Variants in CCDC85A observed in about 807,000 individuals in gnomAD.
CCDC85A encodes coiled-coil domain-containing protein 85A.
In CCDC85A, 38 loss-of-function variants were observed where a neutral mutation model predicts 50.2. That is an observed-to-expected ratio of 0.76 (90% CI 0.58 to 0.99). The LOEUF (loss-of-function observed/expected upper bound fraction) is 0.99, where lower values mean the gene tolerates loss of function less well. CCDC85A is among the 50% of genes least tolerant of loss of function. CCDC85A has a pLI of 0.00. For synonymous variants in CCDC85A, 366 were observed against 301.4 expected (o/e 1.21, Z -2.22); for missense variants, 820 against 742.0 (o/e 1.11, Z -1.22).
At chr2:56,328,338 C>T (rs1673580243) in intron 2 of CCDC85A, among the ~76,000 whole-genome samples, 1 of 152,070 alleles carries the variant, frequency 6.6e-6, no homozygotes, top group African/African-American at 2.4e-5. Flanking sequence ...TTGAGGGAGG[C>T]TGGATACTTG....
At chr2:56,235,023 G>A (rs1402012533) in intron 2 of CCDC85A, among the ~76,000 whole-genome samples, 3 of 152,142 alleles carry the variant, frequency 2.0e-5, no homozygotes, top group Admixed American at 6.6e-5. Flanking sequence ...ACAGATGTAA[G>A]CTTTTAGGGT....
chr2:56,272,023 A>G (rs762516757), intron 2 of CCDC85A, among the ~76,000 whole-genome samples: 15 of 152,144 alleles, frequency 9.9e-5, no homozygotes, highest in Non-Finnish European at 1.9e-4. Flanking sequence ...TCATTTCCAA[A>G]TATGTTTGCT....
At chr2:56,256,511 T>A (rs1457430676) in intron 2 of CCDC85A, among the ~76,000 whole-genome samples, 3 of 152,250 alleles carry the variant, frequency 2.0e-5, no homozygotes. Context: ...AGTAGTTCAC[T>A]AAAATAGCTC....
chr2:56,253,092 G>A (rs966771693), intron 2 of CCDC85A, among the ~76,000 whole-genome samples: 1 of 152,008 alleles, frequency 6.6e-6, no homozygotes, highest in Non-Finnish European at 1.5e-5. Context: ...TCTTATTATA[G>A]GTGTATAGCT....
chr2:56,332,234 C>G (rs987172335), intron 2 of CCDC85A, among the ~76,000 whole-genome samples: 1 of 152,274 alleles, frequency 6.6e-6, no homozygotes. Flanking sequence ...TAGACCCCCC[C>G]ACACCTAATT....
chr2:56,272,754 C>T (rs772576967), intron 2 of CCDC85A, among the ~76,000 whole-genome samples: 14 of 152,126 alleles, frequency 9.2e-5, no homozygotes, highest in Non-Finnish European at 1.6e-4. Context: ...ATGAGAGTCT[C>T]AATAAAAGGC....
chr2:56,308,855 G>A (rs565510037), intron 2 of CCDC85A, among the ~76,000 whole-genome samples: 8 of 152,294 alleles, frequency 5.3e-5, no homozygotes, highest in Admixed American at 2.6e-4. Context: ...AATCCTGGCC[G>A]TGTAAATTCC....
At chr2:56,320,001 A>G (rs1673097294) in intron 2 of CCDC85A, among the ~76,000 whole-genome samples, 1 of 152,210 alleles carries the variant, frequency 6.6e-6, no homozygotes, top group East Asian at 1.9e-4. Flanking sequence ...AAACCGCTCA[A>G]CTACATGGAA....
At chr2:56,346,410 T>C (rs1003061884) in intron 3 of CCDC85A, among the ~76,000 whole-genome samples, 1 of 152,188 alleles carries the variant, frequency 6.6e-6, no homozygotes, top group Non-Finnish European at 1.5e-5. Flanking sequence ...AATGAAGGAC[T>C]CTTTCACAGA....
At chr2:56,240,849 G>A (rs191121393) in intron 2 of CCDC85A, among the ~76,000 whole-genome samples, 15 of 152,168 alleles carry the variant, frequency 9.9e-5, no homozygotes, top group Admixed American at 6.5e-4. Context: ...TATAAACATT[G>A]TGTATAAGTG....
At chr2:56,292,587 C>T (rs565209849) in intron 2 of CCDC85A, among the ~76,000 whole-genome samples, 18 of 152,224 alleles carry the variant, frequency 1.2e-4, no homozygotes, top group Admixed American at 1.2e-3. Flanking sequence ...TTAGTTTTGC[C>T]TGCTTTTAGT....
At chr2:56,366,814 C>T (rs1403222782) in intron 3 of CCDC85A, among the ~76,000 whole-genome samples, 2 of 152,176 alleles carry the variant, frequency 1.3e-5, no homozygotes, top group Non-Finnish European at 2.9e-5. Context: ...GGCTACAATC[C>T]TTCACCACAT....
At chr2:56,210,129 C>G (rs1468997216) in intron 2 of CCDC85A, among the ~76,000 whole-genome samples, 1 of 152,070 alleles carries the variant, frequency 6.6e-6, no homozygotes, top group Non-Finnish European at 1.5e-5. Context: ...GAACCACTGA[C>G]TGTATGCTCG....
chr2:56,326,783 A>C (rs1673494041), intron 2 of CCDC85A, among the ~76,000 whole-genome samples: 1 of 152,054 alleles, frequency 6.6e-6, no homozygotes, highest in South Asian at 2.1e-4. Flanking sequence ...GCATTCAATA[A>C]TTTGTTCTTA....
chr2:56,377,480 A>G (rs1676388029), intron 5 of CCDC85A, among the ~76,000 whole-genome samples: 1 of 152,154 alleles, frequency 6.6e-6, no homozygotes, highest in Admixed American at 6.5e-5. Flanking sequence ...TGCCTTATTA[A>G]ATGGCAATTG....
At chr2:56,206,592 A>G (rs980463641) in intron 2 of CCDC85A, among the ~76,000 whole-genome samples, 9 of 152,136 alleles carry the variant, frequency 5.9e-5, no homozygotes, top group African/African-American at 2.2e-4. Context: ...CACTATCTTG[A>G]TAACTAACCC....
intron 2 of CCDC85A, among the ~76,000 whole-genome samples, chr2:56,218,197 T>TA (rs1369503551): frequency 6.6e-6 from 1 of 151,958 alleles, no homozygotes; most frequent in Non-Finnish European, 1.5e-5. Flanking sequence ...TAAACAGTGC[T>TA]AAATATCCTC....
chr2:56,366,344 A>G (rs778030486), intron 3 of CCDC85A, among the ~76,000 whole-genome samples: 1 of 152,152 alleles, frequency 6.6e-6, no homozygotes, highest in African/African-American at 2.4e-5. Context: ...TGTTTTCCAT[A>G]ATAGCTATAC....
intron 2 of CCDC85A, among the ~76,000 whole-genome samples, chr2:56,330,862 C>T (rs1374781632): frequency 6.6e-6 from 1 of 152,072 alleles, no homozygotes; most frequent in East Asian, 1.9e-4. Flanking sequence ...TCTAGTACTC[C>T]CACTACTTGG....
Sources: gnomAD v4.1 joint callset for allele counts (sites outside exome capture counted in the v4.1 genomes callset) on GRCh38, gnomAD v4.1.1 for gene constraint, MANE v1.5 for transcripts, NCBI Gene and HGNC (gene_info 2026-07-23, HGNC 2026-07-21) for gene names.